The following OSBPL10 variants were observed in gnomAD, a reference collection of about 807,000 sequenced individuals.
OSBPL10 encodes oxysterol binding protein like 10.
A neutral mutation model predicts 81.7 loss-of-function variants in OSBPL10; 49 were observed. The observed-to-expected ratio is 0.60, with a 90% CI of 0.48 to 0.76. OSBPL10 has a LOEUF of 0.76. Ranked by LOEUF, OSBPL10 falls within the 30% of genes least tolerant of loss-of-function variation. The probability of loss-of-function intolerance (pLI) is 0.00; values close to 1 mark genes in which losing one functional copy is unlikely to be tolerated. For synonymous variants in OSBPL10, 419 were observed against 383.6 expected (o/e 1.09, Z -1.08); for missense variants, 923 against 987.8 (o/e 0.93, Z 0.88).
chr3:31,898,982 G>C (rs1436046275), intron 1 of OSBPL10, among the ~76,000 whole-genome samples: 1 of 87,644 alleles, frequency 1.1e-5, no homozygotes, highest in Non-Finnish European at 2.2e-5. Flanking sequence ...TTTTTTTTGA[G>C]ACAGAGTCTC....
intron 1 of OSBPL10, among the ~76,000 whole-genome samples, chr3:31,976,038 G>A (rs1698688236): frequency 6.6e-6 from 1 of 152,170 alleles, no homozygotes; most frequent in African/African-American, 2.4e-5. Context: ...AAGGGGAGCT[G>A]TAAATGTTTG....
intron 1 of OSBPL10, among the ~76,000 whole-genome samples, chr3:31,960,914 A>C (rs187647086): frequency 1.3e-5 from 2 of 152,266 alleles, no homozygotes; most frequent in African/African-American, 4.8e-5. Flanking sequence ...AGGTCTAAAA[A>C]CCTGACCTAC....
intron 1 of OSBPL10, among the ~76,000 whole-genome samples, chr3:31,979,956 G>A (rs1023510687): frequency 6.6e-6 from 1 of 151,558 alleles, no homozygotes; most frequent in African/African-American, 2.4e-5. Flanking sequence ...AATATTAAAA[G>A]GGGGAGGGTA....
chr3:31,778,936 C>G (rs1575538537), intron 4 of OSBPL10, among the ~76,000 whole-genome samples: 1 of 152,190 alleles, frequency 6.6e-6, no homozygotes, highest in East Asian at 1.9e-4. Context: ...CAAAATAATT[C>G]CGAGCCAAGA....
At chr3:31,994,015 G>T (rs35907755) in intron 2 of OSBPL10, among the ~76,000 whole-genome samples, 45,613 of 151,954 alleles carry the variant, frequency 0.3, 8,929 homozygotes, top group African/African-American at 0.55. Context: ...ACCAACTATG[G>T]TACATGTATA....
At chr3:31,797,702 G>T in intron 4 of OSBPL10, 1 of 416,626 alleles carries the variant, frequency 2.4e-6, no homozygotes, top group Non-Finnish European at 4.9e-6. Context: ...TTTTTTATAT[G>T]TACCATGATA....
intron 6 of OSBPL10, among the ~76,000 whole-genome samples, chr3:31,711,987 C>G (rs1696270127): frequency 6.6e-6 from 1 of 152,108 alleles, no homozygotes; most frequent in African/African-American, 2.4e-5. Context: ...ACAGAGAAGG[C>G]AGACTCTGGG....
chr3:32,054,879 C>T (rs1490685571), intron 1 of OSBPL10, among the ~76,000 whole-genome samples: 1 of 152,102 alleles, frequency 6.6e-6, no homozygotes, highest in Non-Finnish European at 1.5e-5. Context: ...TGGTCATTCA[C>T]AGAAAATTGT....
chr3:31,882,843 T>A (rs1487570455), intron 1 of OSBPL10, among the ~76,000 whole-genome samples: 1 of 152,256 alleles, frequency 6.6e-6, no homozygotes, highest in Admixed American at 6.5e-5. Context: ...GTATCTGTTA[T>A]AGCAGCTGCT....
chr3:31,876,405 GCCT>G (rs1418344128), intron 3 of OSBPL10, 25 bp downstream of exon 3: 1 of 1,562,758 alleles, frequency 6.4e-7, no homozygotes, highest in East Asian at 2.2e-5. Flanking sequence ...TTATTCGAAT[GCCT>G]CCTTCCTTTC....
At chr3:31,668,872 CAG>C in intron 9 of OSBPL10, 48 bp from the exon 10 acceptor site, 10 of 1,451,736 alleles carry the variant, frequency 6.9e-6, no homozygotes, top group Non-Finnish European at 8.3e-6. Context: ...ATGATAAAAA[CAG>C]AGACTTCAAA....
At chr3:31,886,011 A>AAAAAGAAAG (rs1553637240) in intron 1 of OSBPL10, among the ~76,000 whole-genome samples, 2 of 142,686 alleles carry the variant, frequency 1.4e-5, no homozygotes, top group African/African-American at 2.7e-5. Context: ...AAAAAAAAAA[A>AAAAAGAAAG]AAAGAAAGAA....
intron 3 of OSBPL10, among the ~76,000 whole-genome samples, chr3:31,861,815 G>T (rs1395476865): frequency 1.3e-5 from 2 of 152,206 alleles, no homozygotes; most frequent in African/African-American, 4.8e-5. Flanking sequence ...GGGTGACTCA[G>T]TGGTACTTGG....
chr3:32,055,226 C>T (rs1207253236), intron 1 of OSBPL10, among the ~76,000 whole-genome samples: 43 of 88,504 alleles, frequency 4.9e-4, no homozygotes, highest in African/African-American at 1.5e-3. Flanking sequence ...TTTTTTGAGA[C>T]GGAGTCTCGC....
At chr3:31,811,552 AAC>A (rs1699682164) in intron 4 of OSBPL10, among the ~76,000 whole-genome samples, 1 of 152,248 alleles carries the variant, frequency 6.6e-6, no homozygotes, top group African/African-American at 2.4e-5. Flanking sequence ...CATAGAAAAT[AAC>A]ACTTTACAGA....
chr3:31,690,173 T>C lies in OSBPL10; in HGVS notation c.1246-6059A>G, dbSNP rs549969561. ...GGAGACGGGGCCTGATGGGAGGTGA[T>C]TGGATCATGGGGGCACACTTCCCCT... On this transcript the variant is annotated intron_variant, in intron 7 of 11. Transcript: ENST00000396556. 2.7e-4 allele frequency among the ~76,000 whole-genome samples: 41 copies of C among 152,084 alleles called. 1 individual carries two copies. Among genetic ancestry groups the C allele is most frequent in the Admixed American group, 1.6e-3 (25 of 15,266 alleles).
chr3:31,712,988 T>C (rs965828127), intron 6 of OSBPL10, among the ~76,000 whole-genome samples: 5 of 152,250 alleles, frequency 3.3e-5, no homozygotes, highest in African/African-American at 9.6e-5. Flanking sequence ...TAGAATCTCA[T>C]GGTTTCTCAC....
intron 7 of OSBPL10, among the ~76,000 whole-genome samples, chr3:31,692,295 T>C (rs1046401381): frequency 1.3e-5 from 2 of 152,116 alleles, no homozygotes; most frequent in Non-Finnish European, 2.9e-5. Flanking sequence ...AATACCAACC[T>C]TCTAGGCTGA....
intron 6 of OSBPL10, among the ~76,000 whole-genome samples, chr3:31,707,976 AAG>A (rs1696126956): frequency 6.6e-6 from 1 of 152,124 alleles, no homozygotes; most frequent in African/African-American, 2.4e-5. Flanking sequence ...GTAGAAGACA[AAG>A]GGGATAAATC....
Sources: allele counts gnomAD v4.1 joint callset (sites outside exome capture counted in the v4.1 genomes callset), GRCh38; gene constraint gnomAD v4.1.1; transcripts MANE v1.5; gene names NCBI Gene and HGNC (gene_info 2026-07-23, HGNC 2026-07-21).